Variants in KLF8 observed in about 807,000 individuals in gnomAD.
KLF8 encodes Krueppel-like factor 8.
In KLF8, 10 loss-of-function variants were observed where a neutral mutation model predicts 18.2. The ratio of observed to expected loss-of-function variants is 0.55; its 90% CI spans 0.34 to 0.93. KLF8 has a LOEUF of 0.93. Ranked by LOEUF, KLF8 falls within the 40% of genes least tolerant of loss-of-function variation. The probability of loss-of-function intolerance (pLI) is 0.02; values close to 1 mark genes in which losing one functional copy is unlikely to be tolerated. For missense variants in KLF8, 264 were observed against 277.9 expected (o/e 0.95, Z 0.36); for synonymous variants, 109 against 97.3 (o/e 1.12, Z -0.71).
chrX:56,087,454 C>T, the KLF8 span, among the ~76,000 whole-genome samples: 2 of 110,351 alleles, frequency 1.8e-5, no homozygotes, highest in Admixed American at 1.9e-4. Context: ...CTTGTTCCTG[C>T]TCCTGCCATG....
the KLF8 span, among the ~76,000 whole-genome samples, chrX:56,067,450 G>A: frequency 9.0e-6 from 1 of 110,600 alleles, no homozygotes; most frequent in Non-Finnish European, 1.9e-5. Flanking sequence ...TGCCTAGATG[G>A]TAGACTAGAG....
the KLF8 span, among the ~76,000 whole-genome samples, chrX:56,114,781 G>T: frequency 3.9e-4 from 44 of 112,803 alleles, no homozygotes; most frequent in Non-Finnish European, 6.2e-4. Flanking sequence ...AAAAGTGAAG[G>T]ATATGTGGAG....
At chrX:56,128,550 A>G in the KLF8 span, among the ~76,000 whole-genome samples, 1 of 111,792 alleles carries the variant, frequency 8.9e-6, no homozygotes, top group Non-Finnish European at 1.9e-5. Flanking sequence ...GAAAAAAAGT[A>G]GAAAATAAAG....
At chrX:56,118,494 T>C in the KLF8 span, among the ~76,000 whole-genome samples, 1 of 111,040 alleles carries the variant, frequency 9.0e-6, no homozygotes. Flanking sequence ...GCCCTCACAG[T>C]CTTATTTTCA....
the KLF8 span, among the ~76,000 whole-genome samples, chrX:56,192,022 G>T: frequency 9.0e-6 from 1 of 111,368 alleles, no homozygotes; most frequent in Admixed American, 9.6e-5. Flanking sequence ...AATCAGAAAG[G>T]CAGAAGACAA....
At chrX:55,932,696 C>G in the KLF8 span, among the ~76,000 whole-genome samples, 1 of 111,753 alleles carries the variant, frequency 8.9e-6, no homozygotes, top group African/African-American at 3.3e-5. Flanking sequence ...AACATTGGCC[C>G]CCACTCTCAT....
the KLF8 span, among the ~76,000 whole-genome samples, chrX:56,062,153 C>T: frequency 9.2e-6 from 1 of 109,281 alleles, no homozygotes; most frequent in African/African-American, 3.4e-5. Flanking sequence ...AGGCATTCAG[C>T]CCGTTTACTT....
chrX:56,180,151 T>C, the KLF8 span, among the ~76,000 whole-genome samples: 1 of 111,917 alleles, frequency 8.9e-6, no homozygotes, highest in African/African-American at 3.2e-5. Flanking sequence ...GGCTATTAAT[T>C]ATTGCCTCAA....
the KLF8 span, among the ~76,000 whole-genome samples, chrX:56,005,888 G>T: frequency 1.8e-5 from 2 of 111,927 alleles, no homozygotes; most frequent in Non-Finnish European, 3.8e-5. Context: ...GGTCAGTTAT[G>T]GTCTGCCAGT....
chrX:56,071,266 A>T, the KLF8 span, among the ~76,000 whole-genome samples: 2 of 111,993 alleles, frequency 1.8e-5, no homozygotes, highest in Non-Finnish European at 3.8e-5. Context: ...AAGACAAAAA[A>T]ACTATTAAAT....
chrX:56,005,058 T>C, the KLF8 span, among the ~76,000 whole-genome samples: 1 of 93,902 alleles, frequency 1.1e-5, no homozygotes, highest in Non-Finnish European at 2.2e-5. Context: ...ATTATTATTA[T>C]TTGAGATGGA....
chrX:56,045,030 G>A, the KLF8 span, among the ~76,000 whole-genome samples: 1 of 112,168 alleles, frequency 8.9e-6, no homozygotes, highest in South Asian at 3.6e-4. Context: ...ATTGTTTCAG[G>A]TCTTAGATTT....
chrX:55,912,886 G>T, the KLF8 span, among the ~76,000 whole-genome samples: 2 of 111,396 alleles, frequency 1.8e-5, no homozygotes, highest in African/African-American at 6.5e-5. Flanking sequence ...TTTCCTCATT[G>T]TTCAGTTAAG....
At chrX:55,970,515 C>T in the KLF8 span, among the ~76,000 whole-genome samples, 4 of 111,566 alleles carry the variant, frequency 3.6e-5, no homozygotes, top group South Asian at 3.7e-4. Context: ...CAGAAACACA[C>T]GGATACCTGT....
the KLF8 span, among the ~76,000 whole-genome samples, chrX:56,030,811 T>C: frequency 9.2e-6 from 1 of 108,522 alleles, no homozygotes; most frequent in Non-Finnish European, 1.9e-5. Flanking sequence ...GACAGAACTT[T>C]AGGGGCTGGC....
At chrX:56,217,176 T>G in the KLF8 span, among the ~76,000 whole-genome samples, 1 of 111,239 alleles carries the variant, frequency 9.0e-6, no homozygotes, top group Non-Finnish European at 1.9e-5. Flanking sequence ...TAAGAAAAAA[T>G]TAGTACTCAT....
At chrX:56,066,250 C>G in the KLF8 span, among the ~76,000 whole-genome samples, 2 of 112,008 alleles carry the variant, frequency 1.8e-5, no homozygotes, top group African/African-American at 3.2e-5. Context: ...GTTCTTCAGT[C>G]TCCTAGGAGG....
chrX:56,137,641 T>C, the KLF8 span, among the ~76,000 whole-genome samples: 2 of 103,341 alleles, frequency 1.9e-5, no homozygotes, highest in Admixed American at 1.1e-4. Flanking sequence ...TTGGGAGATA[T>C]ACCTAATGCT....
the KLF8 span, among the ~76,000 whole-genome samples, chrX:56,176,284 T>C: frequency 8.9e-6 from 1 of 112,059 alleles, no homozygotes; most frequent in Non-Finnish European, 1.9e-5. Context: ...AGGAGTTCTT[T>C]TAGGGCAGGC....
Sources: allele counts gnomAD v4.1 joint callset (sites outside exome capture counted in the v4.1 genomes callset), GRCh38; gene constraint gnomAD v4.1.1; transcripts MANE v1.5; gene names NCBI Gene and HGNC (gene_info 2026-07-23, HGNC 2026-07-21).